NMI: variants seen among roughly 807,000 people sequenced by gnomAD.
NMI encodes N-myc and STAT interactor.
In NMI, 39 loss-of-function variants were observed where a neutral mutation model predicts 34.3. The ratio of observed to expected loss-of-function variants is 1.14; its 90% confidence interval spans 0.88 to 1.49. The LOEUF is 1.49. Ranked by LOEUF, NMI falls within the 40% of genes most tolerant of loss-of-function variation. The probability of loss-of-function intolerance (pLI) is 0.00; values close to 1 mark genes in which losing one functional copy is unlikely to be tolerated. For synonymous variants in NMI, 113 were observed against 120.3 expected, an observed-to-expected ratio of 0.94 and a Z score of 0.40; for missense variants, 339 against 358.1, an observed-to-expected ratio of 0.95 and a Z score of 0.43.
At chr2:151,279,173 A>G (rs958202973) in intron 3 of NMI, among the ~76,000 whole-genome samples, 183 bp from the exon 4 acceptor site, 1 of 152,212 alleles carries the variant, frequency 6.6e-6, no homozygotes, top group Admixed American at 6.5e-5. Context: ...GTACTCAGTA[A>G]TCAAATGCTG....
intron 1 of NMI, chr2:151,288,781 T>G (rs993365328): frequency 6.6e-6 from 1 of 151,866 alleles, no homozygotes; most frequent in Non-Finnish European, 1.5e-5. Context: ...CAATAGAACG[T>G]CTGCCTGTTG....
At chr2:151,271,558 A>T (rs560979938) in intron 7 of NMI, 68 bp downstream of exon 7, 5 of 824,068 alleles carry the variant, frequency 6.1e-6, no homozygotes, top group East Asian at 4.9e-5. Flanking sequence ...GACTCACAAC[A>T]ACTTTATTTT....
In NMI at chr2:151,282,031, C is replaced by A; in HGVS notation, c.94G>T (p.Glu32Ter). Residue 32 changes from glutamate to a stop codon, truncating the protein, a stop_gained, in exon 3 of 8, where the codon GAA becomes TAA. Transcript: ENST00000243346. LOFTEE classifies it high-confidence loss of function. ...KDEQNKGLID[E>*]ITKKNIQLKK... ...AGTTGAATATTTTTCTTTGTAATTT[C>A]ATCAATTAGTCCCTTAAAAATATCA... 1 of 1,421,658 alleles carries A rather than the reference C, an allele frequency of 7.0e-7. No individual in the cohort carries two copies. The highest frequency in any genetic ancestry group is 1.7e-5 in the Admixed American group (1 of 57,752). The allele number at this position is 1,421,658 out of a possible 1,614,324, so 88.1% of individuals were successfully genotyped here.
intron 6 of NMI, among the ~76,000 whole-genome samples, chr2:151,274,736 A>G (rs1683258500): frequency 6.6e-6 from 1 of 151,862 alleles, no homozygotes; most frequent in South Asian, 2.1e-4. Flanking sequence ...TCGGCCTCCC[A>G]AAGTGCTGGG....
chr2:151,285,768 G>A (rs1346646221), intron 1 of NMI, among the ~76,000 whole-genome samples: 1 of 152,058 alleles, frequency 6.6e-6, no homozygotes, highest in Non-Finnish European at 1.5e-5. Context: ...AAGGAACCAG[G>A]ACTCTTTAGA....
At chr2:151,271,014 G>T in intron 7 of NMI, 139 bp from the exon 8 acceptor site, 1 of 712,892 alleles carries the variant, frequency 1.4e-6, no homozygotes, top group Non-Finnish European at 2.3e-6. Context: ...CCAAGCAAGA[G>T]AATATCCAAG....
chr2:151,288,455 C>T (rs1329279654), intron 1 of NMI, among the ~76,000 whole-genome samples: 1 of 152,186 alleles, frequency 6.6e-6, no homozygotes, highest in East Asian at 1.9e-4. Context: ...AGAGGATTCA[C>T]CCCAAGAGCT....
chr2:151,281,217 A>T (rs1573746123), intron 3 of NMI, among the ~76,000 whole-genome samples: 1 of 152,174 alleles, frequency 6.6e-6, no homozygotes, highest in Non-Finnish European at 1.5e-5. Context: ...ATACAGGAAA[A>T]TTTAGGAGAG....
At chr2:151,270,964 AT>A in intron 7 of NMI, 89 bp from the exon 8 acceptor site, 1 of 1,022,314 alleles carries the variant, frequency 9.8e-7, no homozygotes, top group Non-Finnish European at 1.4e-6. Flanking sequence ...AATATTTTTT[AT>A]TTTATCTTAG....
chr2:151,283,691 A>C (rs80207560), intron 1 of NMI, among the ~76,000 whole-genome samples: 109 of 152,298 alleles, frequency 7.2e-4, no homozygotes, highest in Non-Finnish European at 1.3e-3. Context: ...GGCCTCCAAC[A>C]TATGCTTTCT....
chr2:151,277,089 C>T (rs988128161), intron 4 of NMI, among the ~76,000 whole-genome samples: 1 of 152,164 alleles, frequency 6.6e-6, no homozygotes, highest in African/African-American at 2.4e-5. Context: ...CACTCTCTGT[C>T]TTATAAAACT....
Position 151,270,887 on chromosome 2 carries a change from A to G in NMI, c.742-12T>C, listed in dbSNP as rs778856296. The stretch of plus-strand genomic sequence containing the variant: ...GTTCCTGAAAATATCTAAGAAGGAA[A>G]AAATGATAAATAGAAAGATTTCTAA... On this transcript the variant is annotated splice_polypyrimidine_tract_variant and intron_variant, in intron 7 of 7. Coordinates refer to ENST00000243346, the MANE Select transcript of NMI (RefSeq NM_004688.3). 2 of 1,593,728 alleles carry G rather than the reference A, an allele frequency of 1.3e-6. No individual in the cohort carries two copies. Among genetic ancestry groups the G allele is most frequent in the Non-Finnish European group, 1.7e-6 (2 of 1,165,794 alleles).
chr2:151,284,218 G>A (rs1436819900), intron 1 of NMI, among the ~76,000 whole-genome samples: 1 of 151,886 alleles, frequency 6.6e-6, no homozygotes, highest in African/African-American at 2.4e-5. Flanking sequence ...AATTAGCTGG[G>A]CGTGGTGCCA....
In NMI at chr2:151,271,632, C is replaced by T. The variant is rs779050488; in HGVS notation, c.735G>A (p.Lys245=). The change falls in exon 7 of 8, where the codon AAG becomes AAA. Residue 245 remains lysine, a synonymous_variant. Transcript: ENST00000243346. ...AGAACAGAGATGACTTTACCTGATA[C>T]TTTTTCAAGTGTATTTCTGTGTATG... ...VSPYTEIHLK[K]YQIFSGTSKR... The T allele has an allele frequency of 4.0e-6, 6 of 1,494,092 alleles. No individual in the cohort carries two copies. Among genetic ancestry groups the T allele is most frequent in the South Asian group, 2.3e-5 (2 of 87,454 alleles). 92.6% of individuals were successfully genotyped at this position (1,494,092 alleles called of 1,614,324 possible). A position where few individuals can be genotyped will look rare whatever the true frequency, so the allele number is the denominator to read the frequency against.
chr2:151,274,768 G>A (rs1207788106), intron 6 of NMI, among the ~76,000 whole-genome samples: 1 of 151,426 alleles, frequency 6.6e-6, no homozygotes, highest in East Asian at 2.0e-4. Context: ...GAGCCACCGG[G>A]CCCGGCCGAA....
At chr2:151,278,601 G>T in intron 4 of NMI, 1 of 469,808 alleles carries the variant, frequency 2.1e-6, no homozygotes, top group Non-Finnish European at 3.9e-6. Context: ...CATAGCACCT[G>T]GATTAAGTCC....
Position 151,270,785 on chromosome 2 carries a change from T to C in NMI, c.832A>G (p.Ile278Val), listed in dbSNP as rs777617824. ...DEEIVEDLINIHFQRAKNGGG... is the reference protein window; with the variant it reads ...DEEIVEDLINVHFQRAKNGGG... ...CCATTCTTTGCCCGTTGAAAGTGAA[T>C]GTTAATTAAATCCTCCACAATTTCT... The change falls in exon 8 of 8, where the codon ATT (isoleucine) becomes GTT (valine). Residue 278 changes from isoleucine to valine, a missense_variant. Physicochemically the swap from Ile to Val is conservative, Grantham distance 29. Transcript: ENST00000243346. 8.7e-6 allele frequency: 14 copies of C among 1,613,964 alleles called. No individual in the cohort carries two copies. The highest frequency in any genetic ancestry group is 1.2e-5 in the Non-Finnish European group (14 of 1,179,874).
chr2:151,284,394 A>G (rs6715393), intron 1 of NMI, among the ~76,000 whole-genome samples: 104,343 of 151,948 alleles, frequency 0.69, 36,862 homozygotes, highest in African/African-American at 0.86. Flanking sequence ...AACATCCCTG[A>G]CTCAAGTGAT....
chr2:151,276,962 T>C (rs16829868), intron 4 of NMI, among the ~76,000 whole-genome samples: 6,317 of 152,320 alleles, frequency 0.041, 438 homozygotes, highest in African/African-American at 0.14. Context: ...GGCAACTCTA[T>C]GTCAATTAAA....
Sources: allele counts gnomAD v4.1 joint callset (sites outside exome capture counted in the v4.1 genomes callset), GRCh38; gene constraint gnomAD v4.1.1; transcripts MANE v1.5; gene names NCBI Gene and HGNC (gene_info 2026-07-23, HGNC 2026-07-21).